The following ANO2 variants were observed in gnomAD, a reference collection of about 807,000 sequenced individuals.
ANO2 encodes the protein anoctamin 2, also known as anoctamin-2.
ANO2 carries 101 observed loss-of-function variants against 124.2 expected under a neutral mutation model. That is an observed-to-expected ratio of 0.81 (90% CI 0.69 to 0.96). ANO2 has a LOEUF of 0.96. Ranked by LOEUF, ANO2 falls within the 40% of genes least tolerant of loss-of-function variation. The pLI is 0.00. For missense variants in ANO2, 1,293 were observed against 1,274.5 expected (o/e 1.01, Z -0.22); for synonymous variants, 486 against 482.5 (o/e 1.01, Z -0.09).
chr12:5,678,499 C>T (rs919321046), intron 14 of ANO2, among the ~76,000 whole-genome samples: 8 of 152,080 alleles, frequency 5.3e-5, no homozygotes. Flanking sequence ...ACATTTGGGG[C>T]CACAGTTTTT....
rs538170559 is a variant in ANO2 at position 5,598,337 on chromosome 12, T to C, written c.2233+1147A>G. ...CCCCATTGAGTAAATGTTTAGAATG[T>C]TTAGACATTATAGCTAAGATCTTTA... On this transcript the variant is annotated intron_variant, in intron 20 of 24. Transcript: ENST00000682330. Among the ~76,000 whole-genome samples, 8 of 152,328 alleles carry C rather than the reference T, an allele frequency of 5.3e-5. No homozygotes were observed. The South Asian group carries it at 1.7e-3, about 32-fold the overall frequency.
chr12:5,665,808 C>A (rs1947681054), intron 14 of ANO2, among the ~76,000 whole-genome samples: 1 of 151,422 alleles, frequency 6.6e-6, no homozygotes, highest in East Asian at 2.0e-4. Flanking sequence ...CCAGGGAATC[C>A]ACAGCCTCAG....
intron 10 of ANO2, among the ~76,000 whole-genome samples, chr12:5,782,428 C>G (rs1159757755): frequency 6.6e-6 from 1 of 152,152 alleles, no homozygotes; most frequent in Non-Finnish European, 1.5e-5. Flanking sequence ...ACCATTTATA[C>G]TTAATGTAAT....
intron 14 of ANO2, among the ~76,000 whole-genome samples, chr12:5,674,198 C>G (rs1474148186): frequency 2.0e-5 from 3 of 152,198 alleles, no homozygotes; most frequent in Non-Finnish European, 4.4e-5. Flanking sequence ...ACTATTACCA[C>G]TCTCCACTAT....
At chr12:5,781,044 C>G (rs757051019) in intron 10 of ANO2, among the ~76,000 whole-genome samples, 22 of 152,182 alleles carry the variant, frequency 1.4e-4, no homozygotes, top group Non-Finnish European at 2.1e-4. Flanking sequence ...TCTTACTGAA[C>G]TGAAGATATG....
chr12:5,921,375 A>G lies in ANO2; in HGVS notation c.208-9T>C. On this transcript the variant is annotated splice_polypyrimidine_tract_variant and intron_variant, in intron 2 of 24. Transcript: ENST00000682330. ...AGATAGTTGTTGATGACCTGGCCAG[A>G]GAGAGAGGAGAGGCAGGGCAAGGTC... 6.2e-7 allele frequency: 1 copy of G among 1,611,022 alleles called. No homozygotes were observed. Among genetic ancestry groups the G allele is most frequent in the Non-Finnish European group, 8.5e-7 (1 of 1,177,974 alleles).
intron 20 of ANO2, among the ~76,000 whole-genome samples, chr12:5,583,467 CA>C (rs1436235808): frequency 6.6e-6 from 1 of 151,700 alleles, no homozygotes; most frequent in Non-Finnish European, 1.5e-5. Flanking sequence ...TCTTGGCTAA[CA>C]CGGTGAAACC....
At chr12:5,614,554 A>G (rs1484078895) in intron 17 of ANO2, among the ~76,000 whole-genome samples, 5 of 152,216 alleles carry the variant, frequency 3.3e-5, no homozygotes, top group Non-Finnish European at 7.3e-5. Flanking sequence ...CATGATTAAG[A>G]ACCTCCTAAA....
At chr12:5,945,467 G>A (rs1364344021), upstream of ANO2, among the ~76,000 whole-genome samples, 4 of 152,246 alleles carry the variant, frequency 2.6e-5, no homozygotes, top group Non-Finnish European at 5.9e-5. Context: ...CCGCGGCCGG[G>A]TTGAGTCCAG....
chr12:5,810,912 G>T (rs1275042320), intron 7 of ANO2, among the ~76,000 whole-genome samples: 1 of 152,218 alleles, frequency 6.6e-6, no homozygotes, highest in Non-Finnish European at 1.5e-5. Context: ...ACCAGGGAAG[G>T]CTTAGGCCCC....
chr12:5,792,291 C>T (rs1033972219), intron 10 of ANO2, among the ~76,000 whole-genome samples: 1 of 152,200 alleles, frequency 6.6e-6, no homozygotes, highest in African/African-American at 2.4e-5. Context: ...AGGCACATTA[C>T]CCATCTTTTG....
rs1457745485 is a variant in ANO2 at position 5,658,154 on chromosome 12, C to T, written c.1546-10353G>A. Among the ~76,000 whole-genome samples, 1 of 152,170 alleles carries T rather than the reference C, an allele frequency of 6.6e-6. No homozygotes were observed. The highest frequency in any genetic ancestry group is 2.4e-5 in the African/African-American group (1 of 41,448). Reference sequence around the variant, plus strand: ...GCAGTATGGTCTAGCCTGGAGGTGGCTGCCTGGGTTCAATTCCCAGCTTGC... The same window carrying T: ...GCAGTATGGTCTAGCCTGGAGGTGGTTGCCTGGGTTCAATTCCCAGCTTGC... On this transcript the variant is annotated intron_variant, in intron 14 of 24. Transcript: ENST00000682330. This position sits in a 1 kb window ranked among gnomAD's most constrained non-coding sequence, Gnocchi z 4.3.
chr12:5,730,152 A>T (rs976817097), intron 14 of ANO2, among the ~76,000 whole-genome samples: 2 of 152,232 alleles, frequency 1.3e-5, no homozygotes, highest in Non-Finnish European at 2.9e-5. Context: ...TGAATTGTGC[A>T]TATATAAAAA....
At chr12:5,877,983 C>G (rs1042328928) in intron 3 of ANO2, among the ~76,000 whole-genome samples, 1 of 152,214 alleles carries the variant, frequency 6.6e-6, no homozygotes, top group African/African-American at 2.4e-5. Flanking sequence ...TACCGGCCCA[C>G]GGCCGGGGGG....
chr12:5,865,928 C>T (rs754380774), intron 3 of ANO2, among the ~76,000 whole-genome samples: 10 of 152,176 alleles, frequency 6.6e-5, no homozygotes, highest in East Asian at 1.9e-4. Context: ...AGGGACAGGA[C>T]GACAATGAAC....
chr12:5,917,958 T>G (rs765487796), intron 3 of ANO2, among the ~76,000 whole-genome samples: 2 of 152,290 alleles, frequency 1.3e-5, no homozygotes, highest in South Asian at 4.1e-4. Context: ...AGGCCTGGAA[T>G]GTGAACATAT....
chr12:5,941,278 G>GT (rs1942884318), intron 1 of ANO2, among the ~76,000 whole-genome samples: 1 of 152,194 alleles, frequency 6.6e-6, no homozygotes, highest in Admixed American at 6.5e-5. Flanking sequence ...CAATAAAGCT[G>GT]TTTTTCAATG....
At chr12:5,820,495 C>T (rs1367359719) in intron 7 of ANO2, among the ~76,000 whole-genome samples, 1 of 152,142 alleles carries the variant, frequency 6.6e-6, no homozygotes, top group East Asian at 1.9e-4. Flanking sequence ...TTCCCCAGTG[C>T]CAGAATGCAT....
At chr12:5,604,082 T>C (rs1365437300) in intron 19 of ANO2, among the ~76,000 whole-genome samples, 1 of 151,770 alleles carries the variant, frequency 6.6e-6, no homozygotes, top group Non-Finnish European at 1.5e-5. Context: ...TCTGGGGTGA[T>C]AGCAACGGAC....
Sources: gnomAD v4.1 joint callset for allele counts (sites outside exome capture counted in the v4.1 genomes callset) on GRCh38, gnomAD v4.1.1 for gene constraint, Gnocchi (gnomAD v3.1) non-coding constraint, MANE v1.5 for transcripts, NCBI Gene and HGNC (gene_info 2026-07-23, HGNC 2026-07-21) for gene names.